Variants in DPY30 observed in about 807,000 individuals in gnomAD.
DPY30 encodes the protein dpy-30 histone methyltransferase complex regulatory subunit.
DPY30 carries 6 observed loss-of-function variants against 16.2 expected under a neutral mutation model. That is an observed-to-expected ratio of 0.37 (90% CI 0.20 to 0.73). The LOEUF is 0.73. DPY30 is among the 30% of genes least tolerant of loss of function. DPY30 has a pLI of 0.51. For synonymous variants in DPY30, 39 were observed against 38.8 expected, an observed-to-expected ratio of 1.00 and a Z score of -0.02; for missense variants, 73 against 113.1, an observed-to-expected ratio of 0.65 and a Z score of 1.61.
downstream of DPY30, chr2:32,020,942 G>A (rs1300959724): frequency 6.6e-6 from 1 of 151,418 alleles, no homozygotes; most frequent in African/African-American, 2.4e-5. Flanking sequence ...CAGACCATCT[G>A]GGCAACATAG....
chr2:32,012,373 A>C (rs1312942073), intron 5 of DPY30, among the ~76,000 whole-genome samples: 2 of 147,416 alleles, frequency 1.4e-5, no homozygotes, highest in African/African-American at 2.5e-5. Context: ...AATATGCAAC[A>C]AAAAAAAAAT....
At chr2:32,026,084 G>C (rs1675323647) in intron 4 of DPY30, among the ~76,000 whole-genome samples, 1 of 151,828 alleles carries the variant, frequency 6.6e-6, no homozygotes, top group Non-Finnish European at 1.5e-5. Flanking sequence ...TTCCAGCTGG[G>C]GCAACAGAGC....
chr2:32,025,795 CG>C (rs1187615677), intron 4 of DPY30, among the ~76,000 whole-genome samples: 134 of 146,718 alleles, frequency 9.1e-4, no homozygotes, highest in Admixed American at 2.0e-3. Context: ...GTACTTGGGC[CG>C]GGGGGAAAAA....
chr2:32,026,622 C>A (rs1300815000), intron 4 of DPY30, among the ~76,000 whole-genome samples: 1 of 152,092 alleles, frequency 6.6e-6, no homozygotes, highest in Non-Finnish European at 1.5e-5. Flanking sequence ...AAAACCACAT[C>A]TCTACTAAAA....
intron 3 of DPY30, among the ~76,000 whole-genome samples, chr2:32,032,860 G>T (rs1015433617): frequency 3.3e-5 from 5 of 151,942 alleles, no homozygotes; most frequent in African/African-American, 1.2e-4. Context: ...TCTGGGCATG[G>T]TGGCAGGCGC....
intron 5 of DPY30, among the ~76,000 whole-genome samples, chr2:32,015,310 A>T (rs951685845): frequency 2.6e-5 from 4 of 152,134 alleles, no homozygotes; most frequent in African/African-American, 7.2e-5. Flanking sequence ...ATTTCAACTA[A>T]AACTAGTGTT....
Position 32,039,443 on chromosome 2 carries a change from T to C in DPY30, c.14A>G (p.Gln5Arg). Reference sequence around the variant, plus strand: ...TACCTGCGTTTGTCCCTCCAGCATCTGCTCTGGCTCCATGGCGGACCCTGC... The same window carrying C: ...TACCTGCGTTTGTCCCTCCAGCATCCGCTCTGGCTCCATGGCGGACCCTGC... MEPE[Q>R]MLEGQTQVAE... The change falls in exon 2 of 5, where the codon CAG becomes CGG. Residue 5 changes from glutamine to arginine, a missense_variant. Transcript: ENST00000342166. 6.2e-7 allele frequency: 1 copy of C among 1,613,940 alleles called. No homozygotes were observed. The highest frequency in any genetic ancestry group is 8.5e-7 in the Non-Finnish European group (1 of 1,180,030).
At chr2:32,031,755 T>C (rs1461476958) in intron 3 of DPY30, among the ~76,000 whole-genome samples, 1 of 151,778 alleles carries the variant, frequency 6.6e-6, no homozygotes, top group Non-Finnish European at 1.5e-5. Flanking sequence ...TAGCTGGACG[T>C]AGTAGTGCGC....
intron 5 of DPY30, among the ~76,000 whole-genome samples, chr2:32,014,388 G>A (rs758921193): frequency 9.8e-5 from 15 of 152,290 alleles, no homozygotes; most frequent in Non-Finnish European, 1.5e-4. Context: ...TTGGGAGGCT[G>A]AAGTGGGAAA....
At chr2:32,024,534 C>T (rs1675262953) in intron 4 of DPY30, among the ~76,000 whole-genome samples, 1 of 151,994 alleles carries the variant, frequency 6.6e-6, no homozygotes, top group African/African-American at 2.4e-5. Context: ...TGATCATTAC[C>T]CCAGAAAGAA....
chr2:32,039,655 T>A, intron 1 of DPY30, 78 bp downstream of exon 1: 1 of 633,618 alleles, frequency 1.6e-6, no homozygotes, highest in Non-Finnish European at 2.7e-6. Context: ...ACTGGGCGCC[T>A]ACATGGGGTC....
chr2:32,028,939 G>A (rs1438610155), intron 4 of DPY30, among the ~76,000 whole-genome samples: 1 of 152,014 alleles, frequency 6.6e-6, no homozygotes, highest in Non-Finnish European at 1.5e-5. Context: ...ACTCCAGCCA[G>A]GGAGACATAG....
chr2:32,030,314 G>A (rs1675485874), intron 3 of DPY30, among the ~76,000 whole-genome samples: 1 of 151,952 alleles, frequency 6.6e-6, no homozygotes, highest in Non-Finnish European at 1.5e-5. Flanking sequence ...CTGGACAACT[G>A]CAAAATCCAG....
chr2:32,025,445 A>G (rs1675292811), intron 4 of DPY30, among the ~76,000 whole-genome samples: 1 of 151,994 alleles, frequency 6.6e-6, no homozygotes. Flanking sequence ...CCTGGGCGAC[A>G]GAGCAAGATT....
In DPY30 at chr2:32,027,627, ATTT is replaced by A. The variant is rs1190753873; in HGVS notation, c.227+1964_227+1966del. ...TACCTTCAAATCAACCAAGATACCC[ATTT>A]TTTTTTTTTTTTTTTTTTGAGACGG... On this transcript the variant is annotated intron_variant, in intron 4 of 4. Transcript: ENST00000342166. Among the ~76,000 whole-genome samples, 146 of 117,870 alleles carry A rather than the reference ATTT, an allele frequency of 1.2e-3. 2 individuals are homozygous for A. In the South Asian group the frequency reaches 0.036, roughly 29 times the overall value. The allele number at this position is 117,870 out of a possible 152,430, so 77.3% of individuals were successfully genotyped here.
Position 32,027,425 on chromosome 2 carries a change from G to T in DPY30, c.227+2169C>A, listed in dbSNP as rs968742176. On this transcript the variant is annotated intron_variant, in intron 4 of 4. Transcript: ENST00000342166. ...GGCACCTGTAATCCCAGCTACTCAGGAGGCTGAGGCAAGAGAACTGCTTGA... is the reference window on the plus strand; with the variant it reads ...GGCACCTGTAATCCCAGCTACTCAGTAGGCTGAGGCAAGAGAACTGCTTGA... Among the ~76,000 whole-genome samples the T allele has an allele frequency of 4.0e-5, 6 of 151,314 alleles. No homozygotes were observed. In the South Asian group the frequency reaches 1.3e-3, roughly 32 times the overall value.
intron 3 of DPY30, among the ~76,000 whole-genome samples, chr2:32,032,170 G>A (rs978741149): frequency 6.6e-6 from 1 of 151,904 alleles, no homozygotes; most frequent in Non-Finnish European, 1.5e-5. Flanking sequence ...GACAACTTCT[G>A]CTTATAATTT....
chr2:32,038,012 T>A (rs1675811147), intron 3 of DPY30, among the ~76,000 whole-genome samples: 1 of 152,120 alleles, frequency 6.6e-6, no homozygotes, highest in South Asian at 2.1e-4. Context: ...TTCAGCCCCA[T>A]AAGGCCCAGA....
chr2:32,023,685 C>A (rs1470450900), downstream of DPY30: 1 of 1,266,514 alleles, frequency 7.9e-7, no homozygotes, highest in Admixed American at 2.3e-5. Flanking sequence ...ACCTGTGATA[C>A]TTGTTAAGCC....
Sources: allele counts gnomAD v4.1 joint callset (sites outside exome capture counted in the v4.1 genomes callset), GRCh38; gene constraint gnomAD v4.1.1; transcripts MANE v1.5; gene names NCBI Gene and HGNC (gene_info 2026-07-23, HGNC 2026-07-21).